The following SASH1 variants were observed in gnomAD, a reference collection of about 807,000 sequenced individuals.
The protein encoded by SASH1 is SAM and SH3 domain containing 1.
In SASH1, 44 loss-of-function variants were observed where a neutral mutation model predicts 125.2. The ratio of observed to expected loss-of-function variants is 0.35; its 90% confidence interval spans 0.28 to 0.45. SASH1 has a LOEUF of 0.45. Among genes scored for constraint, SASH1 ranks in the 20% least tolerant of loss-of-function variants. The pLI is 1.00. For synonymous variants in SASH1, 639 were observed against 649.1 expected, an observed-to-expected ratio of 0.98 and a Z score of 0.24; for missense variants, 1,426 against 1,614.5, an observed-to-expected ratio of 0.88 and a Z score of 2.00.
chr6:148,474,373 G>T (rs1379269159), intron 7 of SASH1, 151 bp downstream of exon 7: 2 of 551,298 alleles, frequency 3.6e-6, no homozygotes. Context: ...ATTCTACTTT[G>T]TGAGGTGAAA....
intron 1 of SASH1, among the ~76,000 whole-genome samples, chr6:148,368,405 G>A (rs569808593): frequency 6.6e-6 from 1 of 152,256 alleles, no homozygotes; most frequent in South Asian, 2.1e-4. Context: ...TGAGTAGCTG[G>A]GATTACAGGC....
chr6:148,318,996 A>G (rs1780561135), intron 1 of SASH1, among the ~76,000 whole-genome samples: 1 of 148,988 alleles, frequency 6.7e-6, no homozygotes, highest in Admixed American at 6.7e-5. Flanking sequence ...CCTGTTATGG[A>G]ATATGGAAGA....
chr6:148,393,350 G>A (rs559104620), intron 2 of SASH1, among the ~76,000 whole-genome samples: 102 of 151,948 alleles, frequency 6.7e-4, no homozygotes, highest in African/African-American at 2.2e-3. Context: ...GTAAGCCACC[G>A]CGCCTGGCCA....
intron 2 of SASH1, chr6:148,393,576 G>A: frequency 2.3e-6 from 1 of 428,774 alleles, no homozygotes. Flanking sequence ...CAGCTTCTAG[G>A]TAGGAGAGAA....
chr6:148,368,768 G>GTGCACA (rs71797719), intron 1 of SASH1, among the ~76,000 whole-genome samples: 12 of 70,450 alleles, frequency 1.7e-4, no homozygotes, highest in Non-Finnish European at 2.9e-4. Context: ...GCGCACGCGC[G>GTGCACA]CGCACACACA....
intron 1 of SASH1, among the ~76,000 whole-genome samples, chr6:148,344,944 C>CG (rs1286321307): frequency 1.6e-4 from 25 of 151,926 alleles, no homozygotes; most frequent in African/African-American, 6.0e-4. Flanking sequence ...TTAGTAGAGA[C>CG]GGGGTTTCAC....
chr6:148,343,251 A>C, intron 1 of SASH1, 28 bp downstream of exon 1: 1 of 1,566,438 alleles, frequency 6.4e-7, no homozygotes. Context: ...GGGGCGGCGC[A>C]GGAAGTACAG....
At chr6:148,449,975 A>G (rs1328044329) in intron 4 of SASH1, among the ~76,000 whole-genome samples, 2 of 152,254 alleles carry the variant, frequency 1.3e-5, no homozygotes, top group East Asian at 1.9e-4. Context: ...GCAGCAAACC[A>G]TTCGTGAGGG....
chr6:148,270,901 C>T (rs952852452), upstream of SASH1, among the ~76,000 whole-genome samples: 8 of 147,026 alleles, frequency 5.4e-5, no homozygotes, highest in Non-Finnish European at 1.2e-4. Flanking sequence ...ATCTCATCCA[C>T]AACTTTTTTT....
intron 1 of SASH1, among the ~76,000 whole-genome samples, chr6:148,317,716 C>T (rs759264111): frequency 3.9e-5 from 6 of 152,174 alleles, no homozygotes; most frequent in Non-Finnish European, 7.3e-5. Flanking sequence ...TGAGCCACGG[C>T]GCCCGGCCAA....
In SASH1 at chr6:148,487,614, C is replaced by G; in HGVS notation, c.628C>G (p.Leu210Val). The change falls in exon 8 of 20, where the codon CTC becomes GTC. Residue 210 changes from leucine to valine, a missense_variant and splice_region_variant. Physicochemically the swap from Leu to Val is conservative, Grantham distance 32 (BLOSUM62 1). Transcript: ENST00000367467. ...CAGTATCCATTTCTTCTTGTTACAG[C>G]TCAAGGAATACGAGGCCCAGCACCG... Reference protein sequence around the residue: ...MITIEEALARLKEYEAQHRQS... With the variant: ...MITIEEALARVKEYEAQHRQS... 1 of 1,611,342 alleles carries G rather than the reference C, an allele frequency of 6.2e-7. No homozygotes were observed.
intron 1 of SASH1, among the ~76,000 whole-genome samples, chr6:148,333,619 T>A (rs1781058876): frequency 6.6e-6 from 1 of 152,118 alleles, no homozygotes; most frequent in African/African-American, 2.4e-5. Context: ...TGGAGTGCAA[T>A]GGCGCGATCT....
At chr6:148,521,695 C>T (rs768156568) in intron 10 of SASH1, among the ~76,000 whole-genome samples, 10 of 152,210 alleles carry the variant, frequency 6.6e-5, no homozygotes, top group Non-Finnish European at 1.0e-4. Context: ...CTCTTTCTCA[C>T]TCATTCAGCC....
intron 1 of SASH1, among the ~76,000 whole-genome samples, chr6:148,296,924 T>G (rs1176329321): frequency 1.3e-5 from 2 of 152,248 alleles, no homozygotes; most frequent in Non-Finnish European, 2.9e-5. Context: ...TTTTCATGCT[T>G]GTGAAAGCAA....
chr6:148,531,521 G>C lies in SASH1; in HGVS notation c.1429-5G>C. On this transcript the variant is annotated splice_region_variant and splice_polypyrimidine_tract_variant and intron_variant, in intron 12 of 19. Coordinates refer to ENST00000367467, the MANE Select transcript of SASH1 (RefSeq NM_015278.5). ...ACTTCTTCATTTTGTTGAAACCCAT[G>C]GCAGGACTCGGGCCTTGATGGAATG... 6.7e-7 allele frequency: 1 copy of C among 1,503,638 alleles called. No individual in the cohort carries two copies. Among genetic ancestry groups the C allele is most frequent in the South Asian group, 1.3e-5 (1 of 74,644 alleles). 93.1% of individuals were successfully genotyped at this position (1,503,638 alleles called of 1,614,324 possible). A position where few individuals can be genotyped will look rare whatever the true frequency, so the allele number is the denominator to read the frequency against.
intron 1 of SASH1, among the ~76,000 whole-genome samples, chr6:148,344,508 G>A (rs537640585): frequency 3.9e-5 from 6 of 152,200 alleles, no homozygotes; most frequent in African/African-American, 7.2e-5. Flanking sequence ...ACCAGCGAGC[G>A]TTGGTTAAAG....
chr6:148,299,106 C>T (rs1372670764), intron 1 of SASH1, among the ~76,000 whole-genome samples: 1 of 152,160 alleles, frequency 6.6e-6, no homozygotes, highest in Admixed American at 6.5e-5. Flanking sequence ...ATTCATTCAA[C>T]AAATACCTAC....
chr6:148,548,325 C>T lies in SASH1; in HGVS notation c.3511C>T (p.Arg1171Ter), dbSNP rs772294171. 8 of 1,613,188 alleles carry T rather than the reference C, an allele frequency of 5.0e-6. No individual in the cohort carries two copies. The highest frequency in any genetic ancestry group is 2.2e-5 in the East Asian group (1 of 44,886). ...IPSGGLTEIC[R>*]KPVSPGCISS... ...AAGTGGTGGACTCACGGAAATCTGC[C>T]GAAAGCCCGTCTCTCCTGGGTGCAT... Residue 1171 changes from arginine to a stop codon, truncating the protein, a stop_gained, in exon 20 of 20, where the codon CGA becomes TGA. Transcript: ENST00000367467. LOFTEE classifies it high-confidence loss of function.
chr6:148,211,841 G>A, the SASH1 span, among the ~76,000 whole-genome samples: 1 of 152,156 alleles, frequency 6.6e-6, no homozygotes, highest in East Asian at 1.9e-4. Flanking sequence ...CTGCCACCAT[G>A]CGCTGGAAGC....
Sources: allele counts gnomAD v4.1 joint callset (sites outside exome capture counted in the v4.1 genomes callset), GRCh38; gene constraint gnomAD v4.1.1; transcripts MANE v1.5; gene names NCBI Gene and HGNC (gene_info 2026-07-23, HGNC 2026-07-21).